FAM76A: variants seen among roughly 807,000 people sequenced by gnomAD.
FAM76A encodes the protein family with sequence similarity 76 member A.
Under a neutral mutation model 46.2 loss-of-function variants are expected in FAM76A, and 32 were observed. That is an observed-to-expected ratio of 0.69 (90% CI 0.52 to 0.93). FAM76A has a LOEUF of 0.93. Among genes scored for constraint, FAM76A ranks in the 40% least tolerant of loss-of-function variants. The pLI is 0.00. For missense variants in FAM76A, 274 were observed against 361.5 expected (o/e 0.76, Z 1.96); for synonymous variants, 137 against 127.0 (o/e 1.08, Z -0.53).
chr1:27,759,790 G>C, intron 8 of FAM76A, 163 bp downstream of exon 8: 1 of 305,068 alleles, frequency 3.3e-6, no homozygotes, highest in Non-Finnish European at 5.1e-6. Flanking sequence ...TTTTTTTTTT[G>C]AGACAGGTTC....
intron 7 of FAM76A, among the ~76,000 whole-genome samples, chr1:27,755,727 C>T (rs1231081190): frequency 6.6e-6 from 1 of 152,148 alleles, no homozygotes; most frequent in Non-Finnish European, 1.5e-5. Context: ...GCATGTGCCA[C>T]TGTACCCGGC....
chr1:27,748,730 C>G (rs1367746252), intron 5 of FAM76A, among the ~76,000 whole-genome samples: 1 of 152,066 alleles, frequency 6.6e-6, no homozygotes, highest in African/African-American at 2.4e-5. Flanking sequence ...ATCCGCCTGC[C>G]TCAGCCTCCC....
chr1:27,741,024 C>T (rs1350582795), intron 4 of FAM76A, among the ~76,000 whole-genome samples: 7 of 151,388 alleles, frequency 4.6e-5, no homozygotes, highest in African/African-American at 9.7e-5. Flanking sequence ...CCCAGCTACT[C>T]GTGAGGCTGA....
rs182322718 is a variant in FAM76A at position 27,741,006 on chromosome 1, C to T, written c.355-3648C>T. On this transcript the variant is annotated intron_variant, in intron 4 of 8. Transcript: ENST00000373954. ...GGGCGTGGTGGTGCATGCCTATAAT[C>T]CTATAATCCCAGCTACTCGTGAGGC... Among the ~76,000 whole-genome samples, 281 of 151,872 alleles carry T rather than the reference C, an allele frequency of 1.9e-3. 2 individuals carry two copies. Among genetic ancestry groups the T allele is most frequent in the Middle Eastern group, 3.4e-3 (1 of 294 alleles).
intron 4 of FAM76A, chr1:27,740,491 C>A: frequency 6.9e-7 from 1 of 1,452,250 alleles, no homozygotes; most frequent in Non-Finnish European, 9.6e-7. Context: ...CTGACACTGT[C>A]CACAAGTGTG....
At chr1:27,741,587 A>G (rs566827940) in intron 4 of FAM76A, among the ~76,000 whole-genome samples, 2 of 152,214 alleles carry the variant, frequency 1.3e-5, no homozygotes, top group East Asian at 3.9e-4. Flanking sequence ...GTAGAGAGAA[A>G]TAGAAAAACA....
At chr1:27,736,857 C>T (rs1019922310) in intron 4 of FAM76A, among the ~76,000 whole-genome samples, 18 of 152,078 alleles carry the variant, frequency 1.2e-4, no homozygotes, top group Non-Finnish European at 4.4e-5. Context: ...AAACTACTGA[C>T]CTCAAGTGAT....
At chr1:27,752,438 T>C (rs1167766708) in intron 6 of FAM76A, among the ~76,000 whole-genome samples, 2 of 152,230 alleles carry the variant, frequency 1.3e-5, no homozygotes, top group African/African-American at 4.8e-5. Context: ...ATTTCTAGTT[T>C]TCCTTCCTCT....
chr1:27,743,793 T>G (rs920468825), intron 4 of FAM76A, among the ~76,000 whole-genome samples: 5 of 151,860 alleles, frequency 3.3e-5, no homozygotes, highest in African/African-American at 4.8e-5. Context: ...AACACCTGAT[T>G]AGGTGAGCAT....
chr1:27,760,135 A>G (rs1347066084), intron 8 of FAM76A: 1 of 362,096 alleles, frequency 2.8e-6, no homozygotes, highest in African/African-American at 2.1e-5. Flanking sequence ...CAAAAACAGT[A>G]GAATTATTAA....
At chr1:27,737,868 C>CAAAAAAAAAAAAAAAAAAAAAAAAAA (rs71571865) in intron 4 of FAM76A, among the ~76,000 whole-genome samples, 1 of 62,704 alleles carries the variant, frequency 1.6e-5, no homozygotes, top group Non-Finnish European at 3.3e-5. Context: ...ACAACAACAA[C>CAAAAAAAAAAAAAAAAAAAAAAAAAA]AAAAAAAAAA....
chr1:27,739,638 A>C (rs2148573507), intron 4 of FAM76A, among the ~76,000 whole-genome samples: 1 of 152,104 alleles, frequency 6.6e-6, no homozygotes, highest in East Asian at 1.9e-4. Context: ...AATACAAAAA[A>C]TTAGCAGGAT....
chr1:27,755,216 G>A lies in FAM76A; in HGVS notation c.621G>A (p.Leu207=). ...TTAGCTTCTCCCCAGACCTGGCTCT[G>A]GACTCACCAGGCACTGACCACTTTG... ...NGDSFSPDLA[L]DSPGTDHFVI... Residue 207 remains leucine, a synonymous_variant, in exon 7 of 9, where the codon CTG becomes CTA. Coordinates refer to ENST00000373954, the MANE Select transcript of FAM76A (RefSeq NM_152660.3). 1 of 1,614,136 alleles carries A rather than the reference G, an allele frequency of 6.2e-7. No homozygotes were observed. The highest frequency in any genetic ancestry group is 8.5e-7 in the Non-Finnish European group (1 of 1,180,028).
Position 27,759,512 on chromosome 1 carries a change from C to T in FAM76A, c.736-14C>T, listed in dbSNP as rs778879776. On this transcript the variant is annotated splice_polypyrimidine_tract_variant and intron_variant, in intron 7 of 8. Coordinates refer to ENST00000373954, the MANE Select transcript of FAM76A (RefSeq NM_152660.3). ...CAGAAATTTCTTCTGGTTATTCTGC[C>T]TTGTTTCCCTCAGATTACAGAGTTG... 30 of 1,585,082 alleles carry T rather than the reference C, an allele frequency of 1.9e-5. No individual in the cohort carries two copies. Among genetic ancestry groups the T allele is most frequent in the Non-Finnish European group, 2.6e-5 (30 of 1,162,782 alleles).
chr1:27,759,315 A>G (rs1388678479), intron 7 of FAM76A, among the ~76,000 whole-genome samples: 1 of 152,158 alleles, frequency 6.6e-6, no homozygotes, highest in Non-Finnish European at 1.5e-5. Flanking sequence ...ATTATTCTCA[A>G]ATATTCAGAA....
chr1:27,740,472 G>A, intron 4 of FAM76A: 1 of 1,470,302 alleles, frequency 6.8e-7, no homozygotes, highest in Non-Finnish European at 9.5e-7. Flanking sequence ...GTCGATGGTG[G>A]AGTAGGTCCT....
At chr1:27,740,038 T>C in intron 4 of FAM76A, 1 of 390,690 alleles carries the variant, frequency 2.6e-6, no homozygotes, top group South Asian at 2.3e-5. Flanking sequence ...TATTCTAGAC[T>C]CTGGGTCCAC....
intron 5 of FAM76A, among the ~76,000 whole-genome samples, chr1:27,748,087 T>C (rs996656234): frequency 1.3e-5 from 2 of 151,366 alleles, no homozygotes; most frequent in African/African-American, 2.4e-5. Context: ...CACAGAATTA[T>C]AAGATGCATG....
chr1:27,747,393 T>C (rs779534267), intron 5 of FAM76A, among the ~76,000 whole-genome samples: 1 of 152,214 alleles, frequency 6.6e-6, no homozygotes, highest in African/African-American at 2.4e-5. Flanking sequence ...TGAAGAAGGA[T>C]GCAGTATCAG....
Sources: allele counts gnomAD v4.1 joint callset (sites outside exome capture counted in the v4.1 genomes callset), GRCh38; gene constraint gnomAD v4.1.1; transcripts MANE v1.5; gene names NCBI Gene and HGNC (gene_info 2026-07-23, HGNC 2026-07-21).